PCDHA10: variants seen among roughly 807,000 people sequenced by gnomAD.
PCDHA10 encodes protocadherin alpha 10, also known as protocadherin alpha-10.
A neutral mutation model predicts 61.2 loss-of-function variants in PCDHA10; 45 were observed. The observed-to-expected ratio is 0.74, with a 90% CI of 0.58 to 0.94. PCDHA10 has a LOEUF of 0.94. Among genes scored for constraint, PCDHA10 ranks in the 40% least tolerant of loss-of-function variants. PCDHA10 has a pLI of 0.00. For synonymous variants in PCDHA10, 602 were observed against 548.8 expected (o/e 1.10, Z -1.35); for missense variants, 1,278 against 1,236.2 (o/e 1.03, Z -0.51).
At chr5:140,926,471 T>G in intron 1 of PCDHA10, 1 of 162,332 alleles carries the variant, frequency 6.2e-6, no homozygotes, top group Non-Finnish European at 1.3e-5. Context: ...GAAAACACCG[T>G]TTAAGGAGAG....
At chr5:140,989,373 C>A (rs1189877807) in intron 3 of PCDHA10, among the ~76,000 whole-genome samples, 1 of 152,088 alleles carries the variant, frequency 6.6e-6, no homozygotes, top group Non-Finnish European at 1.5e-5. Context: ...TGACTGAGAG[C>A]TTTGTGGGAA....
chr5:140,951,237 T>G (rs1405165070), intron 1 of PCDHA10, among the ~76,000 whole-genome samples: 2 of 152,200 alleles, frequency 1.3e-5, no homozygotes, highest in African/African-American at 4.8e-5. Flanking sequence ...GTCTTTACCT[T>G]TAGGAATGCA....
Position 140,907,813 on chromosome 5 carries a change from G to A in PCDHA10, c.2388+49377G>A, listed in dbSNP as rs192249919. On this transcript the variant is annotated intron_variant, in intron 1 of 3. Coordinates refer to ENST00000307360, the MANE Select transcript of PCDHA10 (RefSeq NM_018901.4). ...AGAGGCTAAGTGGTGTCCACAGAACGAGTCATCCTATCCACTTGTTTATTA... is the reference window on the plus strand; with the variant it reads ...AGAGGCTAAGTGGTGTCCACAGAACAAGTCATCCTATCCACTTGTTTATTA... Among the ~76,000 whole-genome samples the A allele has an allele frequency of 2.7e-3, 406 of 152,332 alleles. 1 individual carries two copies. The highest frequency in any genetic ancestry group is 9.3e-3 in the African/African-American group (387 of 41,574).
intron 1 of PCDHA10, among the ~76,000 whole-genome samples, chr5:140,905,387 G>T (rs1554192032): frequency 1.3e-5 from 2 of 152,138 alleles, no homozygotes; most frequent in African/African-American, 4.8e-5. Context: ...TGTTTCATAG[G>T]TCTGTGTGCC....
At chr5:140,875,685 C>G (rs563250653) in intron 1 of PCDHA10, 1 of 1,613,816 alleles carries the variant, frequency 6.2e-7, no homozygotes. Context: ...CCAAAAGACA[C>G]GGGGACCTTC....
At chr5:140,931,782 C>T (rs967402790) in intron 1 of PCDHA10, among the ~76,000 whole-genome samples, 9 of 151,848 alleles carry the variant, frequency 5.9e-5, no homozygotes, top group Non-Finnish European at 5.9e-5. Flanking sequence ...GTTCAATTAC[C>T]TATTGATCTG....
At position 140,881,209 on chromosome 5, in the gene PCDHA10, G is replaced by C. The variant is rs74494049; in HGVS notation, c.2388+22773G>C. The C allele has an allele frequency of 3.6e-3, 703 of 194,982 alleles. 1 individual carries two copies. The highest frequency in any genetic ancestry group is 0.016 in the African/African-American group (679 of 42,430). 12.1% of individuals were successfully genotyped at this position (194,982 alleles called of 1,614,324 possible). On this transcript the variant is annotated intron_variant, in intron 1 of 3. Transcript: ENST00000307360. Reference sequence around the variant, plus strand: ...GATATGTTAACATCTTTGTCTAGCTGTTGTTTCTTGGAAAATTAAAGTCAA... The same window carrying C: ...GATATGTTAACATCTTTGTCTAGCTCTTGTTTCTTGGAAAATTAAAGTCAA...
At chr5:140,915,204 C>T (rs2077022161) in intron 1 of PCDHA10, among the ~76,000 whole-genome samples, 1 of 152,236 alleles carries the variant, frequency 6.6e-6, no homozygotes, top group East Asian at 1.9e-4. Flanking sequence ...ATCTTGGCCT[C>T]CCAAAGTGCT....
rs142471747 is a variant in PCDHA10 at position 140,940,002 on chromosome 5, C to T, written c.2389-38947C>T. On this transcript the variant is annotated intron_variant, in intron 1 of 3. Transcript: ENST00000307360. ...TGAATTGTTTCTCCTTGGATTTTGT[C>T]AATTTTTTGTGTCATATGTTTTAAG... Among the ~76,000 whole-genome samples the T allele has an allele frequency of 5.4e-3, 828 of 152,138 alleles. 3 individuals carry two copies. The highest frequency in any genetic ancestry group is 0.019 in the African/African-American group (797 of 41,516).
intron 1 of PCDHA10, among the ~76,000 whole-genome samples, chr5:140,893,520 T>G (rs1490032872): frequency 6.6e-6 from 1 of 152,152 alleles, no homozygotes; most frequent in Non-Finnish European, 1.5e-5. Flanking sequence ...GTTGTAGAAC[T>G]CCTTTAAGTA....
Position 141,010,990 on chromosome 5 carries a change from A to G in PCDHA10, c.*1053A>G, listed in dbSNP as rs1399914066. The stretch of plus-strand genomic sequence containing the variant: ...GTGCTTTAAGAGAATTGCCTGAAAC[A>G]TCTGTATTATATCGGCCACCTGCCA... On this transcript the variant is annotated 3_prime_UTR_variant, in exon 4 of 4. Transcript: ENST00000307360. The G allele has an allele frequency of 6.5e-6, 1 of 153,770 alleles. No individual in the cohort carries two copies. Among genetic ancestry groups the G allele is most frequent in the Non-Finnish European group, 1.5e-5 (1 of 68,054 alleles). 9.5% of individuals were successfully genotyped at this position (153,770 alleles called of 1,614,324 possible). A position where few individuals can be genotyped will look rare whatever the true frequency, so the allele number is the denominator to read the frequency against.
intron 1 of PCDHA10, among the ~76,000 whole-genome samples, chr5:140,941,185 C>CTT (rs782102770): frequency 2.0e-5 from 2 of 102,242 alleles, no homozygotes; most frequent in East Asian, 7.3e-4. Context: ...CATCCTGCTT[C>CTT]TTTTTTTTTC....
chr5:140,900,022 T>C (rs1554188836), intron 1 of PCDHA10, among the ~76,000 whole-genome samples: 1 of 152,044 alleles, frequency 6.6e-6, no homozygotes, highest in African/African-American at 2.4e-5. Flanking sequence ...GTTACCCAGT[T>C]TGGCCTTGAA....
In PCDHA10 at chr5:140,857,914, C is replaced by T; in HGVS notation, c.1866C>T (p.Arg622=). The change falls in exon 1 of 4, where the codon CGC becomes CGT. Residue 622 remains arginine (R), a synonymous_variant. Transcript: ENST00000307360. The stretch of plus-strand genomic sequence containing the variant: ...CGGTTGGTGCACGCATCCCGTTTCG[C>T]GTGGGGCTGTACACGGGCGAGATCA... ...SAAVGARIPF[R]VGLYTGEIST... is the part of the protein sequence containing the mutation. The T allele has an allele frequency of 6.3e-7, 1 of 1,597,754 alleles. No homozygotes were observed. The highest frequency in any genetic ancestry group is 8.6e-7 in the Non-Finnish European group (1 of 1,167,492).
intron 1 of PCDHA10, chr5:140,928,828 C>G (rs199775949): frequency 6.2e-7 from 1 of 1,614,160 alleles, no homozygotes. Context: ...AGACCCACCA[C>G]TTTCCTCCTC....
intron 3 of PCDHA10, among the ~76,000 whole-genome samples, chr5:140,995,652 C>T (rs1018975214): frequency 2.0e-5 from 3 of 151,828 alleles, no homozygotes; most frequent in East Asian, 1.9e-4. Context: ...AAAGGAGAAT[C>T]GAAAAGGGAA....
chr5:140,862,857 T>C (rs782223560), intron 1 of PCDHA10: 7 of 517,122 alleles, frequency 1.4e-5, no homozygotes, highest in African/African-American at 1.1e-4. Context: ...TGAGCAGCAA[T>C]GTGACGCTGC....
intron 1 of PCDHA10, among the ~76,000 whole-genome samples, chr5:140,941,223 C>CTT (rs1276732463): frequency 3.0e-5 from 4 of 132,446 alleles, no homozygotes; most frequent in African/African-American, 1.2e-4. Context: ...TCCTTTCTTT[C>CTT]TTTCTTTCTT....
At chr5:140,924,105 C>A (rs140580566) in intron 1 of PCDHA10, among the ~76,000 whole-genome samples, 5 of 152,144 alleles carry the variant, frequency 3.3e-5, no homozygotes, top group Admixed American at 2.6e-4. Flanking sequence ...ATTTTCATTC[C>A]AAAGCAGTTA....
Sources: allele counts gnomAD v4.1 joint callset (sites outside exome capture counted in the v4.1 genomes callset), GRCh38; gene constraint gnomAD v4.1.1; transcripts MANE v1.5; gene names NCBI Gene and HGNC (gene_info 2026-07-23, HGNC 2026-07-21).